Variants in OPHN1 observed in about 807,000 individuals in gnomAD.
OPHN1 encodes oligophrenin 1.
In OPHN1, 11 loss-of-function variants were observed where a neutral mutation model predicts 60.7. The ratio of observed to expected loss-of-function variants is 0.18; its 90% confidence interval spans 0.11 to 0.30. The LOEUF (loss-of-function observed/expected upper bound fraction) is 0.30. Ranked by LOEUF, OPHN1 falls within the 10% of genes least tolerant of loss-of-function variation. The pLI is 1.00. For missense variants in OPHN1, 449 were observed against 611.0 expected, an observed-to-expected ratio of 0.73 and a Z score of 2.80; for synonymous variants, 226 against 222.6, an observed-to-expected ratio of 1.02 and a Z score of -0.14.
chrX:68,116,053 G>A (rs929699660), intron 16 of OPHN1, among the ~76,000 whole-genome samples: 25 of 111,936 alleles, frequency 2.2e-4, no homozygotes, highest in African/African-American at 7.5e-4. Flanking sequence ...TTTATCTGAC[G>A]ACCGGGATCA....
intron 15 of OPHN1, among the ~76,000 whole-genome samples, chrX:68,168,229 C>T (rs1210081253): frequency 9.0e-6 from 1 of 110,801 alleles, no homozygotes; most frequent in African/African-American, 3.3e-5. Context: ...CACCCTTATT[C>T]CAAAATTGAA....
At chrX:68,369,267 A>G (rs1011556141) in intron 2 of OPHN1, among the ~76,000 whole-genome samples, 1 of 111,350 alleles carries the variant, frequency 9.0e-6, no homozygotes, top group Non-Finnish European at 1.9e-5. Context: ...CAGGAGGATC[A>G]CTTGAGATCA....
Position 68,328,103 on chromosome X carries a change from A to C in OPHN1, c.155-29007T>G, listed in dbSNP as rs769391963. Among the ~76,000 whole-genome samples, 4 of 93,894 alleles carry C rather than the reference A, an allele frequency of 4.3e-5. No individual in the cohort carries two copies. In the South Asian group the frequency reaches 2.0e-3, roughly 47 times the overall value. The allele number at this position is 93,894 out of a possible 115,157, so 81.5% of individuals were successfully genotyped here. ...CTCGGCCTCCCAAAGTGCTGGGATTACAGGCGTGAGCCACCGCGCCCGGCC... is the reference window on the plus strand; with the variant it reads ...CTCGGCCTCCCAAAGTGCTGGGATTCCAGGCGTGAGCCACCGCGCCCGGCC... On this transcript the variant is annotated intron_variant, in intron 2 of 24. Transcript: ENST00000355520.
At chrX:68,228,452 C>T (rs1160731871) in intron 6 of OPHN1, among the ~76,000 whole-genome samples, 1 of 104,123 alleles carries the variant, frequency 9.6e-6, no homozygotes, top group Non-Finnish European at 2.0e-5. Context: ...AGAGACACAA[C>T]AAAAAAAAAA....
chrX:68,389,568 A>AAAAT (rs200288420), intron 2 of OPHN1, among the ~76,000 whole-genome samples: 7,190 of 76,796 alleles, frequency 0.094, 699 homozygotes, highest in African/African-American at 0.25. Flanking sequence ...CTCCCTCTCA[A>AAAAT]AAATAAATAA....
At chrX:68,182,188 G>GTT (rs397951860) in intron 15 of OPHN1, among the ~76,000 whole-genome samples, 12,959 of 45,901 alleles carry the variant, frequency 0.28, 1,921 homozygotes, top group African/African-American at 0.3. Flanking sequence ...AAGCTCTGTA[G>GTT]TTTTTTTTTT....
At chrX:68,152,885 A>G (rs1476388650) in intron 15 of OPHN1, among the ~76,000 whole-genome samples, 2 of 111,171 alleles carry the variant, frequency 1.8e-5, no homozygotes. Context: ...TAGGGCAGAC[A>G]ATAGCTGTTA....
At chrX:68,114,518 T>C (rs541073892) in intron 16 of OPHN1, among the ~76,000 whole-genome samples, 2 of 111,230 alleles carry the variant, frequency 1.8e-5, no homozygotes, top group African/African-American at 6.5e-5. Flanking sequence ...CCCAGCACTT[T>C]GGGAGGCCAA....
At position 68,221,559 on chromosome X, in the gene OPHN1, T is replaced by TG. The variant is rs1412014113; in HGVS notation, c.487-7588dup. Reference sequence around the variant, plus strand: ...CAAAGCTACAGTAACCAAAACAGCATGGTACTGGTACCAAAACAGAGAGAT... The same window carrying TG: ...CAAAGCTACAGTAACCAAAACAGCATGGGTACTGGTACCAAAACAGAGAGAT... On this transcript the variant is annotated intron_variant, in intron 6 of 24. Coordinates refer to ENST00000355520, the MANE Select transcript of OPHN1 (RefSeq NM_002547.3). Among the ~76,000 whole-genome samples, 436 of 92,162 alleles carry TG rather than the reference T, an allele frequency of 4.7e-3. 1 individual carries two copies. The highest frequency in any genetic ancestry group is 0.015 in the South Asian group (24 of 1,648). 80.0% of individuals were successfully genotyped at this position (92,162 alleles called of 115,157 possible). A position where few individuals can be genotyped will look rare whatever the true frequency, so the allele number is the denominator to read the frequency against.
At chrX:68,175,258 T>C (rs2077409527) in intron 15 of OPHN1, among the ~76,000 whole-genome samples, 1 of 111,303 alleles carries the variant, frequency 9.0e-6, no homozygotes, top group African/African-American at 3.3e-5. Flanking sequence ...CTAATAATTA[T>C]GTTCCTTTAA....
intron 5 of OPHN1, among the ~76,000 whole-genome samples, chrX:68,242,214 C>CAAAAAAA (rs753856136): frequency 4.2e-5 from 1 of 24,021 alleles, no homozygotes; most frequent in African/African-American, 1.2e-4. Context: ...CCCATCTCTA[C>CAAAAAAA]AAAAAAAAAA....
At chrX:68,071,065 C>G in intron 20 of OPHN1, 3 of 1,110,601 alleles carry the variant, frequency 2.7e-6, no homozygotes, top group Non-Finnish European at 3.7e-6. Flanking sequence ...CGTTCCACCA[C>G]CAATAATCAT....
chrX:68,283,370 G>C (rs909464946), intron 3 of OPHN1, among the ~76,000 whole-genome samples: 1 of 111,464 alleles, frequency 9.0e-6, no homozygotes, highest in Non-Finnish European at 1.9e-5. Context: ...GGAGTAGCTA[G>C]AATTTCTCTT....
intron 15 of OPHN1, chrX:68,192,670 T>G (rs2077494162): frequency 2.7e-6 from 1 of 376,333 alleles, no homozygotes; most frequent in Non-Finnish European, 4.7e-6. Flanking sequence ...CCAGTTGAGA[T>G]GTAGGGAAAG....
chrX:68,217,659 G>T (rs1241913118), intron 6 of OPHN1, among the ~76,000 whole-genome samples: 1 of 110,991 alleles, frequency 9.0e-6, no homozygotes, highest in African/African-American at 3.3e-5. Flanking sequence ...GCACCCCCCA[G>T]CAGGGACATA....
intron 5 of OPHN1, among the ~76,000 whole-genome samples, chrX:68,246,993 A>C (rs192429854): frequency 8.9e-6 from 1 of 111,759 alleles, no homozygotes; most frequent in East Asian, 2.8e-4. Context: ...TACAGGACTA[A>C]GTATACTCAC....
intron 6 of OPHN1, among the ~76,000 whole-genome samples, chrX:68,223,219 A>T (rs1053442302): frequency 2.7e-5 from 3 of 112,188 alleles, no homozygotes; most frequent in African/African-American, 6.5e-5. Flanking sequence ...TCATTACATC[A>T]GAAAAGACAC....
At chrX:68,398,856 C>T (rs768782456) in intron 2 of OPHN1, among the ~76,000 whole-genome samples, 7 of 110,424 alleles carry the variant, frequency 6.3e-5, no homozygotes, top group Non-Finnish European at 1.3e-4. Context: ...GGCTGAGGCA[C>T]GGGAATCACT....
intron 5 of OPHN1, among the ~76,000 whole-genome samples, chrX:68,253,154 G>C (rs2077844756): frequency 8.9e-6 from 1 of 111,804 alleles, no homozygotes; most frequent in Admixed American, 9.6e-5. Context: ...GAAATCTGGA[G>C]ACTCAGCTAG....
Sources: allele counts gnomAD v4.1 joint callset (sites outside exome capture counted in the v4.1 genomes callset), GRCh38; gene constraint gnomAD v4.1.1; transcripts MANE v1.5; gene names NCBI Gene and HGNC (gene_info 2026-07-23, HGNC 2026-07-21).